Variants in OTUD7A observed in about 807,000 individuals in gnomAD.
OTUD7A encodes OTU deubiquitinase 7A.
OTUD7A carries 12 observed loss-of-function variants against 65.7 expected under a neutral mutation model. That is an observed-to-expected ratio of 0.18 (90% CI 0.12 to 0.30). The LOEUF (loss-of-function observed/expected upper bound fraction) is 0.30, where lower values mean the gene tolerates loss of function less well. OTUD7A is among the 10% of genes least tolerant of loss of function. OTUD7A has a pLI of 1.00. For missense variants in OTUD7A, 1,148 were observed against 1,304.8 expected (o/e 0.88, Z 1.85); for synonymous variants, 641 against 586.3 (o/e 1.09, Z -1.35).
At chr15:31,827,971 C>A (rs1478567648) in intron 1 of OTUD7A, among the ~76,000 whole-genome samples, 1 of 152,014 alleles carries the variant, frequency 6.6e-6, no homozygotes, top group Non-Finnish European at 1.5e-5. Context: ...TATGGTGAGG[C>A]TTTGTTCCTT....
chr15:31,725,256 C>T (rs1893852226), intron 1 of OTUD7A, among the ~76,000 whole-genome samples: 1 of 152,182 alleles, frequency 6.6e-6, no homozygotes, highest in Non-Finnish European at 1.5e-5. Context: ...GTGATGGGAC[C>T]TCACAGCCTC....
At chr15:31,825,832 G>A (rs4779926) in intron 1 of OTUD7A, among the ~76,000 whole-genome samples, 88,382 of 152,040 alleles carry the variant, frequency 0.58, 26,151 homozygotes, top group East Asian at 0.69. Flanking sequence ...CCAAAACAAA[G>A]GGGCTACAGG....
Position 31,754,211 on chromosome 15 carries a change from A to AT in OTUD7A, c.-99-97135dup, listed in dbSNP as rs560210637. ...TGTCCTTAGCCTACTTTTTAATGGG[A>AT]TTTTTTTTTCTTGTTGATTTGAGTT... On this transcript the variant is annotated intron_variant, in intron 1 of 12. Transcript: ENST00000307050. 2.4e-3 allele frequency among the ~76,000 whole-genome samples: 366 copies of AT among 150,228 alleles called. 1 individual carries two copies. The highest frequency in any genetic ancestry group is 9.3e-3 in the South Asian group (44 of 4,744).
At chr15:31,782,382 T>TG (rs961740568) in intron 1 of OTUD7A, among the ~76,000 whole-genome samples, 2 of 152,220 alleles carry the variant, frequency 1.3e-5, no homozygotes, top group African/African-American at 4.8e-5. Context: ...AGACTAGGTA[T>TG]GTTCCCTGAA....
chr15:31,540,764 A>G (rs1340579558), intron 5 of OTUD7A, among the ~76,000 whole-genome samples: 1 of 152,182 alleles, frequency 6.6e-6, no homozygotes, highest in Non-Finnish European at 1.5e-5. Context: ...AGTGAACCAA[A>G]ATGCTTTGGC....
intron 1 of OTUD7A, among the ~76,000 whole-genome samples, chr15:31,771,403 T>TC (rs1323444213): frequency 1.3e-5 from 2 of 152,142 alleles, no homozygotes; most frequent in Admixed American, 6.5e-5. Flanking sequence ...CCATGAACCA[T>TC]CTCCCTTCCC....
At position 31,525,744 on chromosome 15, in the gene OTUD7A, G is replaced by C. The variant is rs139653016; in HGVS notation, c.893+605C>G. The stretch of plus-strand genomic sequence containing the variant: ...ATGGCTGCCCCACTGGTCTGGCCAC[G>C]GTCTTCATTCCATACTAGAACATCC... On this transcript the variant is annotated intron_variant, in intron 8 of 12. Coordinates refer to ENST00000307050, the MANE Select transcript of OTUD7A (RefSeq NM_001382637.1). Among the ~76,000 whole-genome samples, 410 of 152,356 alleles carry C rather than the reference G, an allele frequency of 2.7e-3. 3 individuals are homozygous for C. The highest frequency in any genetic ancestry group is 9.7e-3 in the African/African-American group (402 of 41,578).
chr15:31,727,527 T>C (rs1365734393), intron 1 of OTUD7A, among the ~76,000 whole-genome samples: 1 of 152,210 alleles, frequency 6.6e-6, no homozygotes, highest in East Asian at 1.9e-4. Flanking sequence ...ATTTGGACTG[T>C]ATTTTGAGAC....
intron 3 of OTUD7A, among the ~76,000 whole-genome samples, chr15:31,629,939 T>C (rs1891088902): frequency 6.6e-6 from 1 of 152,294 alleles, no homozygotes; most frequent in Non-Finnish European, 1.5e-5. Context: ...AGTGGTGATA[T>C]CCCCTTTATC....
intron 1 of OTUD7A, among the ~76,000 whole-genome samples, chr15:31,749,459 C>A (rs932932326): frequency 1.3e-5 from 2 of 152,128 alleles, no homozygotes; most frequent in Admixed American, 6.6e-5. Flanking sequence ...TCATTATATA[C>A]CCCTAGACTA....
intron 1 of OTUD7A, among the ~76,000 whole-genome samples, chr15:31,713,120 T>C (rs1296297129): frequency 6.6e-6 from 1 of 152,174 alleles, no homozygotes; most frequent in Non-Finnish European, 1.5e-5. Context: ...ATGTCCACAG[T>C]AAATGTGCTG....
chr15:31,583,028 G>C (rs2141186568), intron 3 of OTUD7A, among the ~76,000 whole-genome samples: 1 of 150,932 alleles, frequency 6.6e-6, no homozygotes, highest in African/African-American at 2.5e-5. Flanking sequence ...TGTTGAGTGA[G>C]AAAAGCAGTA....
At position 31,476,205 on chromosome 15, in the gene OTUD7A, A is replaced by G. The variant is rs564031394; in HGVS notation, c.*7089T>C. ...GGGGGCCCAGGGAAGACAAGCTCCT[A>G]CTGAACGGTGACTGGCTCTGTCAGA... On this transcript the variant is annotated 3_prime_UTR_variant, in exon 13 of 13. Coordinates refer to ENST00000307050, the MANE Select transcript of OTUD7A (RefSeq NM_001382637.1). The G allele has an allele frequency of 6.6e-6, 1 of 152,372 alleles. No individual in the cohort carries two copies. The highest frequency in any genetic ancestry group is 6.5e-5 in the Admixed American group (1 of 15,308). The allele number at this position is 152,372 out of a possible 1,614,324, so 9.4% of individuals were successfully genotyped here. A position where few individuals can be genotyped will look rare whatever the true frequency, so the allele number is the denominator to read the frequency against.
At chr15:31,865,281 A>G (rs1897849366) in intron 1 of OTUD7A, among the ~76,000 whole-genome samples, 1 of 152,244 alleles carries the variant, frequency 6.6e-6, no homozygotes, top group African/African-American at 2.4e-5. Context: ...CCACACTACA[A>G]TAACACACGT....
At chr15:31,713,200 G>C (rs1269554793) in intron 1 of OTUD7A, among the ~76,000 whole-genome samples, 1 of 152,204 alleles carries the variant, frequency 6.6e-6, no homozygotes, top group African/African-American at 2.4e-5. Context: ...TCAACTCCAA[G>C]TTGATGGCGT....
intron 5 of OTUD7A, chr15:31,557,523 T>A (rs1888536999): frequency 6.6e-6 from 1 of 152,176 alleles, no homozygotes; most frequent in South Asian, 2.1e-4. Flanking sequence ...AGTATTTATT[T>A]CCCCAGCATC....
chr15:31,645,521 C>A (rs1566958214), intron 3 of OTUD7A, among the ~76,000 whole-genome samples: 2 of 152,236 alleles, frequency 1.3e-5, no homozygotes, highest in Admixed American at 1.3e-4. Context: ...CCCAGAAAAC[C>A]CCTGCATGAT....
chr15:31,532,128 AC>A (rs1210216629), intron 5 of OTUD7A, among the ~76,000 whole-genome samples: 1 of 152,176 alleles, frequency 6.6e-6, no homozygotes, highest in Non-Finnish European at 1.5e-5. Context: ...TTTTAAACAA[AC>A]AAAAAAAATC....
chr15:31,719,166 C>G (rs1384630130), intron 1 of OTUD7A, among the ~76,000 whole-genome samples: 1 of 152,212 alleles, frequency 6.6e-6, no homozygotes, highest in Non-Finnish European at 1.5e-5. Flanking sequence ...TTCACTGCAG[C>G]CTTGAACTCC....
Sources: gnomAD v4.1 joint callset for allele counts (sites outside exome capture counted in the v4.1 genomes callset) on GRCh38, gnomAD v4.1.1 for gene constraint, MANE v1.5 for transcripts, NCBI Gene and HGNC (gene_info 2026-07-23, HGNC 2026-07-21) for gene names.